Variants in SLC25A4 observed in about 807,000 individuals in gnomAD.
SLC25A4 encodes the protein solute carrier family 25 member 4, also known as ADP/ATP translocase 1.
SLC25A4 carries 10 observed loss-of-function variants against 24.7 expected under a neutral mutation model. The observed-to-expected ratio is 0.41, with a 90% CI of 0.25 to 0.69. The LOEUF is 0.69. SLC25A4 is among the 30% of genes least tolerant of loss of function. SLC25A4 has a pLI of 0.35. For synonymous variants in SLC25A4, 125 were observed against 153.3 expected, an observed-to-expected ratio of 0.82 and a Z score of 1.36; for missense variants, 273 against 387.6, an observed-to-expected ratio of 0.70 and a Z score of 2.48.
chr4:185,147,026 A>C lies in SLC25A4; in HGVS notation c.*55A>C, dbSNP rs1402079051. The C allele has an allele frequency of 1.4e-5, 21 of 1,516,032 alleles. 1 individual carries two copies. The Admixed American group carries it at 3.4e-4, about 25-fold the overall frequency. The allele number at this position is 1,516,032 out of a possible 1,614,324, so 93.9% of individuals were successfully genotyped here. A position where few individuals can be genotyped will look rare whatever the true frequency, so the allele number is the denominator to read the frequency against. ...CAGTGAACTTGATCTACAAGTTCAC[A>C]GATCCATTGTGTGGTTTAATAGACT... On this transcript the variant is annotated 3_prime_UTR_variant, in exon 4 of 4. Coordinates refer to ENST00000281456, the MANE Select transcript of SLC25A4 (RefSeq NM_001151.4).
rs1367632414 is a variant in SLC25A4 at position 185,143,333 on chromosome 4, G to T, written c.-40G>T. 12 of 1,290,360 alleles carry T rather than the reference G, an allele frequency of 9.3e-6. No individual in the cohort carries two copies. In the Admixed American group the frequency reaches 1.5e-4, roughly 16 times the overall value. The allele number at this position is 1,290,360 out of a possible 1,614,324, so 79.9% of individuals were successfully genotyped here. On this transcript the variant is annotated 5_prime_UTR_variant, in exon 1 of 4. Coordinates refer to ENST00000281456, the MANE Select transcript of SLC25A4 (RefSeq NM_001151.4). ...CCAGGCCGGGCGTGGGCGAGAGCAC[G>T]AACGGGCTGCCTGCGGGCTGAGAGC...
At chr4:185,143,607 G>T (rs1734385483) in intron 1 of SLC25A4, 124 bp downstream of exon 1, 1 of 24,990 alleles carries the variant, frequency 4.0e-5, no homozygotes, top group East Asian at 3.2e-3. Context: ...AGGCCCGGGC[G>T]CCCGCCCGCC....
Position 185,145,846 on chromosome 4 carries a change from A to G in SLC25A4, c.686A>G (p.Tyr229Cys). Residue 229 changes from tyrosine to cysteine, a missense_variant, in exon 3 of 4, where the codon TAC becomes TGC. Physicochemically the swap from Tyr to Cys is radical, Grantham distance 194. Coordinates refer to ENST00000281456, the MANE Select transcript of SLC25A4 (RefSeq NM_001151.4). The surrounding 1 kb of genome is among the most constrained non-coding windows in gnomAD (Gnocchi z 5.5). ...ACGGCAGTCGCAGGGCTGGTGTCCT[A>G]CCCCTTTGACACTGTTCGTCGTAGA... ...SVTAVAGLVS[Y>C]PFDTVRRRMM... The G allele has an allele frequency of 6.2e-7, 1 of 1,614,012 alleles. No homozygotes were observed. Among genetic ancestry groups the G allele is most frequent in the East Asian group, 2.2e-5 (1 of 44,874 alleles).
At chr4:185,144,680 A>C in intron 1 of SLC25A4, 84 bp from the exon 2 acceptor site, 2 of 1,347,310 alleles carry the variant, frequency 1.5e-6, no homozygotes, top group Non-Finnish European at 1.0e-6. Context: ...AAAATCTAGG[A>C]AGTGCAAACC....
chr4:185,145,500 A>T lies in SLC25A4; in HGVS notation c.598+250A>T. On this transcript the variant is annotated intron_variant, in intron 2 of 3. Transcript: ENST00000281456. This position sits in a 1 kb window ranked among gnomAD's most constrained non-coding sequence, Gnocchi z 5.5. ...GGGGAGCCTGTCTCCCTCTAGACAC[A>T]GCCATAGCAGTTACTGAGTTTAACT... 1 of 666,152 alleles carries T rather than the reference A, an allele frequency of 1.5e-6. No homozygotes were observed. Among genetic ancestry groups the T allele is most frequent in the South Asian group, 1.9e-5 (1 of 51,290 alleles). The allele number at this position is 666,152 out of a possible 1,614,324, so 41.3% of individuals were successfully genotyped here. A position where few individuals can be genotyped will look rare whatever the true frequency, so the allele number is the denominator to read the frequency against.
rs1359924064 is a variant in SLC25A4 at position 185,143,279 on chromosome 4, C to A, written c.-94C>A. On this transcript the variant is annotated 5_prime_UTR_variant, in exon 1 of 4. Transcript: ENST00000281456. ...GGGCCAGGCGGCGGCCCCCTAGCGT[C>A]GCGCAGGGTCGGGGACTGCGCGGCG... The A allele has an allele frequency of 3.0e-6, 2 of 661,868 alleles. No homozygotes were observed. The highest frequency in any genetic ancestry group is 2.6e-6 in the Non-Finnish European group (1 of 380,328). The allele number at this position is 661,868 out of a possible 1,614,324, so 41.0% of individuals were successfully genotyped here. A position where few individuals can be genotyped will look rare whatever the true frequency, so the allele number is the denominator to read the frequency against.
chr4:185,144,423 C>G (rs189003106), intron 1 of SLC25A4, among the ~76,000 whole-genome samples: 30 of 152,134 alleles, frequency 2.0e-4, no homozygotes, highest in Non-Finnish European at 4.3e-4. Context: ...CATTTCTGTC[C>G]CCCAGTAAGC....
Position 185,147,575 on chromosome 4 carries a change from A to G in SLC25A4, c.*604A>G, listed in dbSNP as rs1175703342. ...TCTTTAGAAATTCTAAGATTCTGCT[A>G]AAAGTTTTAAATCACAATCTGGAGA... is the stretch of plus-strand genomic sequence containing the variant. On this transcript the variant is annotated 3_prime_UTR_variant, in exon 4 of 4. Transcript: ENST00000281456. 6.5e-6 allele frequency: 1 copy of G among 152,724 alleles called. No homozygotes were observed. Among genetic ancestry groups the G allele is most frequent in the Non-Finnish European group, 1.5e-5 (1 of 68,458 alleles). 9.5% of individuals were successfully genotyped at this position (152,724 alleles called of 1,614,324 possible). A position where few individuals can be genotyped will look rare whatever the true frequency, so the allele number is the denominator to read the frequency against.
Position 185,144,766 on chromosome 4 carries a change from C to G in SLC25A4, c.114C>G (p.Val38=), listed in dbSNP as rs199833605. Residue 38 remains valine (V), a splice_region_variant and synonymous_variant, in exon 2 of 4, where the codon GTC becomes GTG. Transcript: ENST00000281456. ...TCACCCACCCTCCCCTCCACCAGGTCCAGCATGCCAGCAAACAGATCAGTG... is the reference window on the plus strand; with the variant it reads ...TCACCCACCCTCCCCTCCACCAGGTGCAGCATGCCAGCAAACAGATCAGTG... ...PIERVKLLLQ[V]QHASKQISAE... 1 of 1,613,772 alleles carries G rather than the reference C, an allele frequency of 6.2e-7. No individual in the cohort carries two copies. The highest frequency in any genetic ancestry group is 2.2e-5 in the East Asian group (1 of 44,860).
At position 185,145,027 on chromosome 4, in the gene SLC25A4, C is replaced by T. The variant is rs780142859; in HGVS notation, c.375C>T (p.Ala125=). 7.4e-6 allele frequency: 12 copies of T among 1,614,024 alleles called. No individual in the cohort carries two copies. The Admixed American group carries it at 1.8e-4, about 25-fold the overall frequency. ...TGGCGTCCGGTGGGGCCGCTGGGGC[C>T]ACCTCCCTTTGCTTTGTCTACCCGC... ...GNLASGGAAG[A]TSLCFVYPLD... is the part of the protein sequence containing the mutation. Residue 125 remains alanine (A), a synonymous_variant, in exon 2 of 4, where the codon GCC becomes GCT. Transcript: ENST00000281456. The surrounding 1 kb of genome is among the most constrained non-coding windows in gnomAD (Gnocchi z 5.5).
chr4:185,144,919 C>G lies in SLC25A4; in HGVS notation c.267C>G (p.Phe89Leu). The G allele has an allele frequency of 6.2e-7, 1 of 1,614,218 alleles. No individual in the cohort carries two copies. Among genetic ancestry groups the G allele is most frequent in the Non-Finnish European group, 8.5e-7 (1 of 1,180,034 alleles). Residue 89 changes from phenylalanine (F) to leucine (L), a missense_variant, in exon 2 of 4, where the codon TTC (phenylalanine) becomes TTG (leucine). Physicochemically the swap from Phe to Leu is conservative, Grantham distance 22. Transcript: ENST00000281456. The stretch of plus-strand genomic sequence containing the variant: ...ACTTCCCCACCCAAGCTCTCAACTT[C>G]GCCTTCAAGGACAAGTACAAGCAGC... ...IRYFPTQALN[F>L]AFKDKYKQLF...
Position 185,143,293 on chromosome 4 carries a change from G to C in SLC25A4, c.-80G>C, listed in dbSNP as rs1734376448. 1.3e-6 allele frequency: 1 copy of C among 782,938 alleles called. No individual in the cohort carries two copies. The highest frequency in any genetic ancestry group is 2.1e-6 in the Non-Finnish European group (1 of 475,474). The allele number at this position is 782,938 out of a possible 1,614,324, so 48.5% of individuals were successfully genotyped here. A position where few individuals can be genotyped will look rare whatever the true frequency, so the allele number is the denominator to read the frequency against. On this transcript the variant is annotated 5_prime_UTR_variant, in exon 1 of 4. Coordinates refer to ENST00000281456, the MANE Select transcript of SLC25A4 (RefSeq NM_001151.4). ...CCCCCTAGCGTCGCGCAGGGTCGGG[G>C]ACTGCGCGGCGGTGCCAGGCCGGGC...
In SLC25A4 at chr4:185,145,266, C is replaced by G; in HGVS notation, c.598+16C>G. 1 of 1,613,636 alleles carries G rather than the reference C, an allele frequency of 6.2e-7. No individual in the cohort carries two copies. Among genetic ancestry groups the G allele is most frequent in the South Asian group, 1.1e-5 (1 of 91,056 alleles). On this transcript the variant is annotated intron_variant, in intron 2 of 3. Coordinates refer to ENST00000281456, the MANE Select transcript of SLC25A4 (RefSeq NM_001151.4). This position sits in a 1 kb window ranked among gnomAD's most constrained non-coding sequence, Gnocchi z 5.5. ...ACTGCCAAGGGTGAGAGAGGGGCAT[C>G]GGGGAGAAGGAGGGTGGTGTGGAAA...
In SLC25A4 at chr4:185,144,815, A is replaced by G; in HGVS notation, c.163A>G (p.Ile55Val). Residue 55 changes from isoleucine to valine, a missense_variant, in exon 2 of 4, where the codon ATT becomes GTT. Ile to Val is a conservative substitution (Grantham distance 29, BLOSUM62 3). Transcript: ENST00000281456. ...ISAEKQYKGI[I>V]DCVVRIPKEQ... ...TGCTGAGAAGCAGTACAAAGGGATC[A>G]TTGATTGTGTGGTGAGAATCCCTAA... 1 of 1,614,102 alleles carries G rather than the reference A, an allele frequency of 6.2e-7. No individual in the cohort carries two copies.
At position 185,149,523 on chromosome 4, in the gene SLC25A4, A is replaced by G. The variant is rs545423116; in HGVS notation, c.*2552A>G. On this transcript the variant is annotated 3_prime_UTR_variant, in exon 4 of 4. Coordinates refer to ENST00000281456, the MANE Select transcript of SLC25A4 (RefSeq NM_001151.4). ...ACCGCAGCTACTTAACTCACCATGA[A>G]TTCCTAGAACCCTCAGCCTCTGAGA... The G allele has an allele frequency of 6.6e-6, 1 of 152,364 alleles. No homozygotes were observed. The highest frequency in any genetic ancestry group is 6.5e-5 in the Admixed American group (1 of 15,294). 9.4% of individuals were successfully genotyped at this position (152,364 alleles called of 1,614,324 possible). A position where few individuals can be genotyped will look rare whatever the true frequency, so the allele number is the denominator to read the frequency against.
At position 185,145,100 on chromosome 4, in the gene SLC25A4, G is replaced by A. The variant is rs1412315938; in HGVS notation, c.448G>A (p.Ala150Thr). The part of the protein sequence containing the change: ...RLAADVGKGA[A>T]QREFHGLGDC... ...GGCTGCTGATGTGGGCAAGGGCGCCGCCCAGCGTGAGTTCCATGGTCTGGG... is the reference window on the plus strand; with the variant it reads ...GGCTGCTGATGTGGGCAAGGGCGCCACCCAGCGTGAGTTCCATGGTCTGGG... The change falls in exon 2 of 4, where the codon GCC becomes ACC. Residue 150 changes from alanine to threonine, a missense_variant. Transcript: ENST00000281456. The surrounding 1 kb of genome is among the most constrained non-coding windows in gnomAD (Gnocchi z 5.5). The A allele has an allele frequency of 1.2e-6, 2 of 1,612,932 alleles. No individual in the cohort carries two copies.
rs1465847806 is a variant in SLC25A4 at position 185,145,874 on chromosome 4, G to A, written c.714G>A (p.Met238Ile). ...CCTTTGACACTGTTCGTCGTAGAAT[G>A]ATGATGCAGTCCGGCCGGAAAGGGG... is the stretch of plus-strand genomic sequence containing the variant. ...SYPFDTVRRR[M>I]MMQSGRKGAD... Residue 238 changes from methionine to isoleucine, a missense_variant, in exon 3 of 4, where the codon ATG (methionine) becomes ATA (isoleucine). Met to Ile is a conservative substitution (Grantham distance 10). Coordinates refer to ENST00000281456, the MANE Select transcript of SLC25A4 (RefSeq NM_001151.4). This position sits in a 1 kb window ranked among gnomAD's most constrained non-coding sequence, Gnocchi z 5.5. 3.7e-6 allele frequency: 6 copies of A among 1,614,120 alleles called. No individual in the cohort carries two copies. The highest frequency in any genetic ancestry group is 5.1e-6 in the Non-Finnish European group (6 of 1,180,046).
Position 185,149,480 on chromosome 4 carries a change from C to G in SLC25A4, c.*2509C>G, listed in dbSNP as rs1365608367. 6.6e-6 allele frequency: 1 copy of G among 152,274 alleles called. No individual in the cohort carries two copies. Among genetic ancestry groups the G allele is most frequent in the Non-Finnish European group, 1.5e-5 (1 of 68,114 alleles). The allele number at this position is 152,274 out of a possible 1,614,324, so 9.4% of individuals were successfully genotyped here. ...CCTCTAATGCACGTTGCCCCAGGCC[C>G]TGCTGAGCTAGTTCCTCACCGCAGC... On this transcript the variant is annotated 3_prime_UTR_variant, in exon 4 of 4. Transcript: ENST00000281456.
In SLC25A4 at chr4:185,149,268, G is replaced by A. The variant is rs1734495982; in HGVS notation, c.*2297G>A. On this transcript the variant is annotated 3_prime_UTR_variant, in exon 4 of 4. Coordinates refer to ENST00000281456, the MANE Select transcript of SLC25A4 (RefSeq NM_001151.4). ...AAGCAGGGCCCAAGTTTAGGAGGAG[G>A]AAGACCTGATACAATGAATGAACAG... The A allele has an allele frequency of 6.6e-6, 1 of 152,270 alleles. No homozygotes were observed. 9.4% of individuals were successfully genotyped at this position (152,270 alleles called of 1,614,324 possible).
Sources: gnomAD v4.1 joint callset for allele counts (sites outside exome capture counted in the v4.1 genomes callset) on GRCh38, gnomAD v4.1.1 for gene constraint, Gnocchi (gnomAD v3.1) non-coding constraint, MANE v1.5 for transcripts, NCBI Gene and HGNC (gene_info 2026-07-23, HGNC 2026-07-21) for gene names.